Variants in PITPNM2 observed in about 807,000 individuals in gnomAD.
The protein encoded by PITPNM2 is phosphatidylinositol transfer protein membrane associated 2, also known as membrane-associated phosphatidylinositol transfer protein 2.
Under a neutral mutation model 132.2 loss-of-function variants are expected in PITPNM2, and 35 were observed. The observed-to-expected ratio is 0.26, with a 90% CI of 0.20 to 0.35. The LOEUF is 0.35. Ranked by LOEUF, PITPNM2 falls within the 10% of genes least tolerant of loss-of-function variation. The pLI, the probability that PITPNM2 is intolerant of heterozygous loss-of-function variation, is 1.00. For missense variants in PITPNM2, 1,332 were observed against 1,912.0 expected (o/e 0.70, Z 5.66); for synonymous variants, 738 against 799.2 (o/e 0.92, Z 1.29).
chr12:123,024,860 C>T (rs374092124), intron 3 of PITPNM2, among the ~76,000 whole-genome samples: 2 of 152,184 alleles, frequency 1.3e-5, no homozygotes, highest in South Asian at 2.1e-4. Flanking sequence ...TAAAAACCAC[C>T]GAACTGTGCA....
intron 3 of PITPNM2, among the ~76,000 whole-genome samples, chr12:123,025,856 T>C (rs1049437631): frequency 1.3e-4 from 20 of 152,348 alleles, no homozygotes; most frequent in African/African-American, 4.6e-4. Flanking sequence ...TCTCCTTTAG[T>C]TACTGCAACA....
chr12:123,129,825 G>A (rs1214514581), intron 1 of PITPNM2, among the ~76,000 whole-genome samples: 1 of 151,878 alleles, frequency 6.6e-6, no homozygotes, highest in Non-Finnish European at 1.5e-5. Flanking sequence ...AGAGGAACAC[G>A]GGGAAAACAA....
At chr12:123,010,164 C>T (rs989548751) in intron 5 of PITPNM2, 87 bp from the exon 6 acceptor site, 2 of 1,164,908 alleles carry the variant, frequency 1.7e-6, no homozygotes, top group African/African-American at 3.0e-5. Flanking sequence ...CCCAAATCCT[C>T]CCAGGACTCT....
rs1367044705 is a variant in PITPNM2 at position 123,136,216 on chromosome 12, G to A, written c.-200+14537C>T. ...ACTTGGGAGGTTAAGGCAGGAGAAC[G>A]GCGTGAACCCAGGAGGCAGAGCTTG... On this transcript the variant is annotated intron_variant, in intron 1 of 25. Transcript: ENST00000320201. Among the ~76,000 whole-genome samples, 6 of 151,836 alleles carry A rather than the reference G, an allele frequency of 4.0e-5. No homozygotes were observed. In the South Asian group the frequency reaches 1.0e-3, roughly 26 times the overall value.
intron 1 of PITPNM2, among the ~76,000 whole-genome samples, chr12:123,147,899 T>C (rs1290118922): frequency 3.9e-5 from 6 of 152,174 alleles, no homozygotes; most frequent in Non-Finnish European, 5.9e-5. Context: ...GCATGGTGCA[T>C]AGTATACAAA....
Position 123,009,079 on chromosome 12 carries a change from C to T in PITPNM2, c.643+771G>A, listed in dbSNP as rs897214608. ...ACCCTCATGGGTTATCGTAAGCTTACGTGACAAGCGTGATATGTACTGTCA... is the reference window on the plus strand; with the variant it reads ...ACCCTCATGGGTTATCGTAAGCTTATGTGACAAGCGTGATATGTACTGTCA... On this transcript the variant is annotated intron_variant, in intron 6 of 25. Transcript: ENST00000320201. This position sits in a 1 kb window ranked among gnomAD's most constrained non-coding sequence, Gnocchi z 4.8. 3.3e-5 allele frequency among the ~76,000 whole-genome samples: 5 copies of T among 152,206 alleles called. No homozygotes were observed. The highest frequency in any genetic ancestry group is 1.9e-4 in the East Asian group (1 of 5,206).
intron 3 of PITPNM2, among the ~76,000 whole-genome samples, chr12:123,020,230 CCCA>C (rs1256280231): frequency 2.0e-5 from 3 of 151,976 alleles, no homozygotes; most frequent in African/African-American, 7.3e-5. Context: ...AAGTGATTCT[CCCA>C]CCTCAGCCTC....
chr12:123,080,909 C>A (rs2041942268), intron 2 of PITPNM2, among the ~76,000 whole-genome samples: 1 of 152,246 alleles, frequency 6.6e-6, no homozygotes, highest in African/African-American at 2.4e-5. Flanking sequence ...CTATCCAGTG[C>A]AGCTGCCGTG....
chr12:123,098,635 C>T (rs150386746), intron 2 of PITPNM2, among the ~76,000 whole-genome samples: 1 of 152,258 alleles, frequency 6.6e-6, no homozygotes, highest in African/African-American at 2.4e-5. Flanking sequence ...TGCTTGAGCC[C>T]AGGAGTTCAA....
At chr12:123,132,348 G>A (rs575368042) in intron 1 of PITPNM2, among the ~76,000 whole-genome samples, 1 of 152,104 alleles carries the variant, frequency 6.6e-6, no homozygotes, top group Non-Finnish European at 1.5e-5. Context: ...CTCTCAGCTG[G>A]GCCACAGGTG....
At chr12:123,086,516 T>C (rs912240645) in intron 2 of PITPNM2, among the ~76,000 whole-genome samples, 5 of 152,176 alleles carry the variant, frequency 3.3e-5, no homozygotes, top group African/African-American at 1.2e-4. Context: ...GAGGTGTGGG[T>C]CAGCGATCCT....
At chr12:123,143,098 C>A (rs563840079) in intron 1 of PITPNM2, among the ~76,000 whole-genome samples, 2 of 152,048 alleles carry the variant, frequency 1.3e-5, no homozygotes, top group Non-Finnish European at 2.9e-5. Context: ...CCTATTTCTA[C>A]CCTGACACAC....
At chr12:123,103,191 C>G (rs963439779) in intron 2 of PITPNM2, among the ~76,000 whole-genome samples, 2 of 152,184 alleles carry the variant, frequency 1.3e-5, no homozygotes, top group Non-Finnish European at 2.9e-5. Flanking sequence ...TAGTGACTGT[C>G]CTTACAGTGA....
chr12:123,147,290 G>A (rs534338624), intron 1 of PITPNM2, among the ~76,000 whole-genome samples: 1 of 152,108 alleles, frequency 6.6e-6, no homozygotes, highest in Non-Finnish European at 1.5e-5. Context: ...CACACTGTGA[G>A]TTAGTGTGTT....
At chr12:123,018,865 C>A (rs181341122) in intron 3 of PITPNM2, among the ~76,000 whole-genome samples, 1 of 146,778 alleles carries the variant, frequency 6.8e-6, no homozygotes, top group South Asian at 2.2e-4. Context: ...CTCACTGCAA[C>A]CTCTGCCTCC....
rs1470718225 is a variant in PITPNM2, at chr12:123,009,139, C to A, written c.643+711G>T. Among the ~76,000 whole-genome samples, 1 of 152,200 alleles carries A rather than the reference C, an allele frequency of 6.6e-6. No individual in the cohort carries two copies. ...CTCTGTTCAATCTTAAATAAAGTCACCCTTGCTCATGGCATCACAAGGTGT... is the reference window on the plus strand; with the variant it reads ...CTCTGTTCAATCTTAAATAAAGTCAACCTTGCTCATGGCATCACAAGGTGT... On this transcript the variant is annotated intron_variant, in intron 6 of 25. Transcript: ENST00000320201. This position sits in a 1 kb window ranked among gnomAD's most constrained non-coding sequence, Gnocchi z 4.8.
At chr12:123,147,755 C>T (rs2043647529) in intron 1 of PITPNM2, among the ~76,000 whole-genome samples, 1 of 152,130 alleles carries the variant, frequency 6.6e-6, no homozygotes, top group Non-Finnish European at 1.5e-5. Context: ...GGCAAAGAAG[C>T]AGAACTGAGT....
chr12:123,026,273 A>C (rs2039859734), intron 3 of PITPNM2, among the ~76,000 whole-genome samples: 1 of 152,216 alleles, frequency 6.6e-6, no homozygotes, highest in Non-Finnish European at 1.5e-5. Context: ...ATTTGGAAAT[A>C]GGGTCTTTGC....
Position 122,988,347 on chromosome 12 carries a change from T to C in PITPNM2, c.2884A>G (p.Met962Val), listed in dbSNP as rs371028471. 2 of 1,613,064 alleles carry C rather than the reference T, an allele frequency of 1.2e-6. No individual in the cohort carries two copies. Among genetic ancestry groups the C allele is most frequent in the Non-Finnish European group, 1.7e-6 (2 of 1,179,884 alleles). Residue 962 changes from methionine (M) to valine (V), a missense_variant, in exon 20 of 26, where the codon ATG (methionine) becomes GTG (valine). Physicochemically the swap from Met to Val is conservative, Grantham distance 21 (BLOSUM62 1). Transcript: ENST00000320201. ...AAGATGCTGGAGTTGTCATGCCTCATGACCTGGGAAGAGGGGACAGTGCAG... is the reference window on the plus strand; with the variant it reads ...AAGATGCTGGAGTTGTCATGCCTCACGACCTGGGAAGAGGGGACAGTGCAG... ...DVVSFLLRQV[M>V]RHDNSSILEL...
Sources: gnomAD v4.1 joint callset for allele counts (sites outside exome capture counted in the v4.1 genomes callset) on GRCh38, gnomAD v4.1.1 for gene constraint, Gnocchi (gnomAD v3.1) non-coding constraint, MANE v1.5 for transcripts, NCBI Gene and HGNC (gene_info 2026-07-23, HGNC 2026-07-21) for gene names.